The following ANKRD53 variants were observed in gnomAD, a reference collection of about 807,000 sequenced individuals.
ANKRD53 encodes ankyrin repeat domain 53, also known as ankyrin repeat domain-containing protein 53.
A neutral mutation model predicts 30.1 loss-of-function variants in ANKRD53; 27 were observed. The observed-to-expected ratio is 0.90, with a 90% CI of 0.66 to 1.24. ANKRD53 has a LOEUF of 1.24. Among genes scored for constraint, ANKRD53 ranks in the 50% most tolerant of loss-of-function variants. ANKRD53 has a pLI of 0.00. For synonymous variants in ANKRD53, 286 were observed against 295.4 expected, an observed-to-expected ratio of 0.97 and a Z score of 0.33; for missense variants, 682 against 721.0, an observed-to-expected ratio of 0.95 and a Z score of 0.62.
Position 70,978,727 on chromosome 2 carries a change from C to T in ANKRD53, c.82C>T (p.Pro28Ser), listed in dbSNP as rs1553422828. 1.3e-6 allele frequency: 2 copies of T among 1,554,128 alleles called. No individual in the cohort carries two copies. The highest frequency in any genetic ancestry group is 2.0e-5 in the Admixed American group (1 of 51,212). ...AAGGGGAGAAGGGAGAGGTGCTCGG[C>T]CGCAGCCAACTCCAAGTGGCTCCAT... ...SERGEGRGAR[P>S]QPTPSGSMQQ... The change falls in exon 1 of 6, where the codon CCG becomes TCG. Residue 28 changes from proline (P) to serine (S), a missense_variant. Physicochemically the swap from Pro to Ser is moderately conservative, Grantham distance 74. Transcript: ENST00000360589. This position sits in a 1 kb window ranked among gnomAD's most constrained non-coding sequence, Gnocchi z 4.3.
intron 5 of ANKRD53, chr2:70,984,254 G>T (rs1288350864): frequency 3.7e-6 from 6 of 1,614,050 alleles, no homozygotes; most frequent in Non-Finnish European, 4.2e-6. Context: ...CTTTCTGTAA[G>T]ACTTGAGGTT....
chr2:70,983,110 T>A (rs1670060742), intron 5 of ANKRD53, among the ~76,000 whole-genome samples: 1 of 152,174 alleles, frequency 6.6e-6, no homozygotes. Context: ...CCCTGAGGTC[T>A]AAAGATGAAC....
At position 70,981,965 on chromosome 2, in the gene ANKRD53, A is replaced by C. The variant is rs781929153; in HGVS notation, c.647A>C (p.His216Pro). Reference sequence around the variant, plus strand: ...ACATGCAACGGCTCCACGCCCCTGCACCTGGCAGCCCGTGACGGCTTGCTG... The same window carrying C: ...ACATGCAACGGCTCCACGCCCCTGCCCCTGGCAGCCCGTGACGGCTTGCTG... ...AQTCNGSTPLHLAARDGLLDC... is the reference protein window; with the variant it reads ...AQTCNGSTPLPLAARDGLLDC... The change falls in exon 4 of 6, where the codon CAC becomes CCC. Residue 216 changes from histidine to proline, a missense_variant. By Grantham distance (77) the His-to-Pro change is moderately conservative. Coordinates refer to ENST00000360589, the MANE Select transcript of ANKRD53 (RefSeq NM_001115116.2). 1.9e-6 allele frequency: 3 copies of C among 1,607,946 alleles called. No homozygotes were observed. The highest frequency in any genetic ancestry group is 2.2e-5 in the South Asian group (2 of 90,180).
rs553847186 is a variant in ANKRD53, at chr2:70,984,740, C to T, written c.1033C>T (p.Arg345Trp). The change falls in exon 6 of 6, where the codon CGG (arginine) becomes TGG (tryptophan). Residue 345 changes from arginine (R) to tryptophan (W), a missense_variant. By Grantham distance (101) the Arg-to-Trp change is moderately radical. Coordinates refer to ENST00000360589, the MANE Select transcript of ANKRD53 (RefSeq NM_001115116.2). ...CGCCCTCTCCAAGACCCCAGAGCAA[C>T]GGGAATCGCAGCGTTCCAGGAGCTT... Reference protein sequence around the residue: ...ATALSKTPEQRESQRSRSFHP... With the variant: ...ATALSKTPEQWESQRSRSFHP... The T allele has an allele frequency of 1.2e-4, 190 of 1,601,840 alleles. No homozygotes were observed. The highest frequency in any genetic ancestry group is 5.6e-4 in the East Asian group (25 of 44,312).
At position 70,984,729 on chromosome 2, in the gene ANKRD53, C is replaced by T. The variant is rs1572937892; in HGVS notation, c.1022C>T (p.Thr341Ile). 2 of 1,608,088 alleles carry T rather than the reference C, an allele frequency of 1.2e-6. No individual in the cohort carries two copies. Among genetic ancestry groups the T allele is most frequent in the African/African-American group, 1.3e-5 (1 of 74,796 alleles). Residue 341 changes from threonine (T) to isoleucine (I), a missense_variant, in exon 6 of 6, where the codon ACC becomes ATC. By Grantham distance (89) the Thr-to-Ile change is moderately conservative (BLOSUM62 -1). Coordinates refer to ENST00000360589, the MANE Select transcript of ANKRD53 (RefSeq NM_001115116.2). Reference protein sequence around the residue: ...KQARATALSKTPEQRESQRSR... With the variant: ...KQARATALSKIPEQRESQRSR... Reference sequence around the variant, plus strand: ...GCCCGGGCCACCGCCCTCTCCAAGACCCCAGAGCAACGGGAATCGCAGCGT... The same window carrying T: ...GCCCGGGCCACCGCCCTCTCCAAGATCCCAGAGCAACGGGAATCGCAGCGT...
At position 70,982,720 on chromosome 2, in the gene ANKRD53, C is replaced by T. The variant is rs1553423899; in HGVS notation, c.903+23C>T. ...CAAGTAAGGGGGACAGCAGGGGGGC[C>T]AGGGGACAGCTGCTATCCAGGCATG... On this transcript the variant is annotated intron_variant, in intron 5 of 5. Transcript: ENST00000360589. This position sits in a 1 kb window ranked among gnomAD's most constrained non-coding sequence, Gnocchi z 4.2. 1.9e-6 allele frequency: 3 copies of T among 1,611,666 alleles called. No homozygotes were observed. Among genetic ancestry groups the T allele is most frequent in the Non-Finnish European group, 1.7e-6 (2 of 1,178,634 alleles).
chr2:70,985,179 A>T lies in ANKRD53; in HGVS notation c.1472A>T (p.Asn491Ile), dbSNP rs1553424616. 1.3e-6 allele frequency: 2 copies of T among 1,551,310 alleles called. No individual in the cohort carries two copies. The highest frequency in any genetic ancestry group is 1.7e-4 in the Middle Eastern group (1 of 5,988). ...CCCAGGAAGCGGCACCTGGGTGACAACACCTTCTGGACCGACACTCTGGCC... is the reference window on the plus strand; with the variant it reads ...CCCAGGAAGCGGCACCTGGGTGACATCACCTTCTGGACCGACACTCTGGCC... ...EVPRKRHLGD[N>I]TFWTDTLAMN... Residue 491 changes from asparagine (N) to isoleucine (I), a missense_variant, in exon 6 of 6, where the codon AAC becomes ATC. Coordinates refer to ENST00000360589, the MANE Select transcript of ANKRD53 (RefSeq NM_001115116.2).
chr2:70,985,192 C>T lies in ANKRD53; in HGVS notation c.1485C>T (p.Thr495=), dbSNP rs555111309. The part of the protein sequence containing the change: ...KRHLGDNTFW[T]DTLAMNLRDT... ...ACCTGGGTGACAACACCTTCTGGAC[C>T]GACACTCTGGCCATGAACCTGCGTG... is the stretch of plus-strand genomic sequence containing the variant. Residue 495 remains threonine (T), a synonymous_variant, in exon 6 of 6, where the codon ACC becomes ACT. Transcript: ENST00000360589. 2.1e-4 allele frequency: 331 copies of T among 1,551,282 alleles called. 6 individuals carry two copies. In the South Asian group the frequency reaches 2.7e-3, roughly 13 times the overall value.
chr2:70,980,454 G>A (rs1379969386), intron 3 of ANKRD53, among the ~76,000 whole-genome samples: 1 of 152,002 alleles, frequency 6.6e-6, no homozygotes, highest in Non-Finnish European at 1.5e-5. Flanking sequence ...CCCAAACTTA[G>A]GTGTACATTG....
At chr2:70,983,158 G>A (rs782303319) in intron 5 of ANKRD53, among the ~76,000 whole-genome samples, 19 of 152,218 alleles carry the variant, frequency 1.2e-4, no homozygotes, top group Non-Finnish European at 2.5e-4. Flanking sequence ...TTAGAGTCTA[G>A]CAGAGGAGGC....
At chr2:70,979,925 G>A in intron 3 of ANKRD53, 65 bp downstream of exon 3, 1 of 1,587,970 alleles carries the variant, frequency 6.3e-7, no homozygotes, top group South Asian at 1.1e-5. Flanking sequence ...CTACTTCCAG[G>A]CAGGCAAATC....
Position 70,984,649 on chromosome 2 carries a change from G to C in ANKRD53, c.942G>C (p.Lys314Asn), listed in dbSNP as rs782186708. Reference sequence around the variant, plus strand: ...TTCTCAGAGAAGCTGCTATCAGAAAGTGGCTCCACGGCAAGCTGCACCCAG... The same window carrying C: ...TTCTCAGAGAAGCTGCTATCAGAAACTGGCTCCACGGCAAGCTGCACCCAG... ...HKILREAAIR[K>N]WLHGKLHPGH... Residue 314 changes from lysine to asparagine, a missense_variant, in exon 6 of 6, where the codon AAG (lysine) becomes AAC (asparagine). Physicochemically the swap from Lys to Asn is moderately conservative, Grantham distance 94 (BLOSUM62 0). Transcript: ENST00000360589. 7 of 1,614,174 alleles carry C rather than the reference G, an allele frequency of 4.3e-6. No individual in the cohort carries two copies. The highest frequency in any genetic ancestry group is 1.1e-5 in the South Asian group (1 of 91,082).
rs782425687 is a variant in ANKRD53 at position 70,978,728 on chromosome 2, C to T, written c.83C>T (p.Pro28Leu). The change falls in exon 1 of 6, where the codon CCG becomes CTG. Residue 28 changes from proline (P) to leucine (L), a missense_variant. Coordinates refer to ENST00000360589, the MANE Select transcript of ANKRD53 (RefSeq NM_001115116.2). This position sits in a 1 kb window ranked among gnomAD's most constrained non-coding sequence, Gnocchi z 4.3. ...AGGGGAGAAGGGAGAGGTGCTCGGC[C>T]GCAGCCAACTCCAAGTGGCTCCATG... ...SERGEGRGAR[P>L]QPTPSGSMQQ... is the part of the protein sequence containing the mutation. The T allele has an allele frequency of 1.3e-6, 2 of 1,554,700 alleles. No homozygotes were observed. The highest frequency in any genetic ancestry group is 2.7e-5 in the African/African-American group (2 of 73,316).
intron 3 of ANKRD53, among the ~76,000 whole-genome samples, chr2:70,980,862 C>T (rs10183317): frequency 0.13 from 18,970 of 151,206 alleles, 1,843 homozygotes; most frequent in African/African-American, 0.24. Context: ...AGGAGAATGG[C>T]GTGAACCTGG....
chr2:70,981,907 C>T lies in ANKRD53; in HGVS notation c.618-29C>T, dbSNP rs557572514. On this transcript the variant is annotated intron_variant, in intron 3 of 5. Coordinates refer to ENST00000360589, the MANE Select transcript of ANKRD53 (RefSeq NM_001115116.2). ...ATGCTCTTTGTCTTTCCTTTCTGCC[C>T]TTATCCCCACTGGTGGGGCCTTCCA... 289 of 1,525,384 alleles carry T rather than the reference C, an allele frequency of 1.9e-4. 1 individual carries two copies. In the South Asian group the frequency reaches 3.4e-3, roughly 18 times the overall value. The allele number at this position is 1,525,384 out of a possible 1,614,324, so 94.5% of individuals were successfully genotyped here.
rs147600780 is a variant in ANKRD53 at position 70,983,137 on chromosome 2, G to A, written c.903+440G>A. Among the ~76,000 whole-genome samples, 1,242 of 152,334 alleles carry A rather than the reference G, an allele frequency of 8.2e-3. 17 individuals are homozygous for A. Among genetic ancestry groups the A allele is most frequent in the Non-Finnish European group, 0.011 (779 of 68,024 alleles). ...AAGATGAACAATATGTGGTCCCCAC[G>A]CTCAAGGAGCTTAGAGTCTAGCAGA... On this transcript the variant is annotated intron_variant, in intron 5 of 5. Coordinates refer to ENST00000360589, the MANE Select transcript of ANKRD53 (RefSeq NM_001115116.2).
chr2:70,984,715 C>A lies in ANKRD53; in HGVS notation c.1008C>A (p.Thr336=), dbSNP rs375020629. 90 of 1,610,784 alleles carry A rather than the reference C, an allele frequency of 5.6e-5. No homozygotes were observed. The Admixed American group carries it at 7.9e-4, about 14-fold the overall frequency. The change falls in exon 6 of 6, where the codon ACC becomes ACA. Residue 336 remains threonine, a synonymous_variant. Coordinates refer to ENST00000360589, the MANE Select transcript of ANKRD53 (RefSeq NM_001115116.2). ...CCAATACCAAGCAAGCCCGGGCCAC[C>A]GCCCTCTCCAAGACCCCAGAGCAAC... ...LVSNTKQARA[T]ALSKTPEQRE... is the part of the protein sequence containing the mutation.
Position 70,978,658 on chromosome 2 carries a change from G to T in ANKRD53, c.13G>T (p.Gly5Cys). ...TTCCAGCCCCGCGATGGCCTCCGCGGGCAGCACCGCTCGGCGGGCGGGCTC... is the reference window on the plus strand; with the variant it reads ...TTCCAGCCCCGCGATGGCCTCCGCGTGCAGCACCGCTCGGCGGGCGGGCTC... MASAGSTARRAGSGS... is the reference protein window; with the variant it reads MASACSTARRAGSGS... Residue 5 changes from glycine (G) to cysteine (C), a missense_variant, in exon 1 of 6, where the codon GGC becomes TGC. Transcript: ENST00000360589. The surrounding 1 kb of genome is among the most constrained non-coding windows in gnomAD (Gnocchi z 4.3). The T allele has an allele frequency of 6.5e-7, 1 of 1,541,156 alleles. No individual in the cohort carries two copies. The highest frequency in any genetic ancestry group is 8.7e-7 in the Non-Finnish European group (1 of 1,144,106).
In ANKRD53 at chr2:70,978,838, C is replaced by T. The variant is rs782526977; in HGVS notation, c.170+23C>T. 2 of 1,549,432 alleles carry T rather than the reference C, an allele frequency of 1.3e-6. No individual in the cohort carries two copies. Among genetic ancestry groups the T allele is most frequent in the South Asian group, 1.2e-5 (1 of 83,662 alleles). ...CAGGTGGGTAGCGGGAGAAGGTGTC[C>T]CGGCTGCAGGGAGCGAGAACCCGGC... On this transcript the variant is annotated intron_variant, in intron 1 of 5. Transcript: ENST00000360589. The surrounding 1 kb of genome is among the most constrained non-coding windows in gnomAD (Gnocchi z 4.3).
Sources: gnomAD v4.1 joint callset for allele counts (sites outside exome capture counted in the v4.1 genomes callset) on GRCh38, gnomAD v4.1.1 for gene constraint, Gnocchi (gnomAD v3.1) non-coding constraint, MANE v1.5 for transcripts, NCBI Gene and HGNC (gene_info 2026-07-23, HGNC 2026-07-21) for gene names.